The following TUBGCP2 variants were observed in gnomAD, a reference collection of about 807,000 sequenced individuals.
The protein encoded by TUBGCP2 is tubulin gamma complex component 2.
TUBGCP2 carries 55 observed loss-of-function variants against 92.2 expected under a neutral mutation model. That is an observed-to-expected ratio of 0.60 (90% CI 0.48 to 0.75). TUBGCP2 has a LOEUF of 0.75. TUBGCP2 is among the 30% of genes least tolerant of loss of function. The pLI is 0.00. For missense variants in TUBGCP2, 1,093 were observed against 1,188.9 expected (o/e 0.92, Z 1.19); for synonymous variants, 533 against 505.2 (o/e 1.06, Z -0.74).
In TUBGCP2 at chr10:133,283,862, T is replaced by A; in HGVS notation, c.2145+20A>T. The A allele has an allele frequency of 1.2e-6, 2 of 1,612,902 alleles. No homozygotes were observed. The highest frequency in any genetic ancestry group is 2.7e-5 in the African/African-American group (2 of 75,016). On this transcript the variant is annotated intron_variant, in intron 14 of 17. Coordinates refer to ENST00000252936, the MANE Select transcript of TUBGCP2 (RefSeq NM_006659.4). ...GGAAAGTGGCTTTCAAACGTTATTATCTGTGGAGCTAAAACTCACGGATTT... is the reference window on the plus strand; with the variant it reads ...GGAAAGTGGCTTTCAAACGTTATTAACTGTGGAGCTAAAACTCACGGATTT...
At position 133,285,276 on chromosome 10, in the gene TUBGCP2, G is replaced by A. The variant is rs749083702; in HGVS notation, c.1896-63C>T. The A allele has an allele frequency of 5.0e-6, 8 of 1,604,526 alleles. No homozygotes were observed. The highest frequency in any genetic ancestry group is 2.2e-5 in the South Asian group (2 of 90,478). The stretch of plus-strand genomic sequence containing the variant: ...TGACCGGCGGCGTCGTGGACACGGC[G>A]TCTGTACTCCACAGTCCGCACCGTG... On this transcript the variant is annotated intron_variant, in intron 12 of 17. Transcript: ENST00000252936. The surrounding 1 kb of genome is among the most constrained non-coding windows in gnomAD (Gnocchi z 6.8).
rs780075082 is a variant in TUBGCP2, at chr10:133,288,249, G to A, written c.1602C>T (p.Leu534=). ...CCGGCTTCCGGAGCTCCTCCTCCGC[G>A]AGGTCCATGAAGTGCACGAAGAAGT... ...QGDFFVHFMD[L]AEEELRKPVE... is the part of the protein sequence containing the mutation. Residue 534 remains leucine (L), a synonymous_variant, in exon 11 of 18, where the codon CTC becomes CTT. Coordinates refer to ENST00000252936, the MANE Select transcript of TUBGCP2 (RefSeq NM_006659.4). 1.4e-5 allele frequency: 23 copies of A among 1,613,630 alleles called. No homozygotes were observed. Among genetic ancestry groups the A allele is most frequent in the East Asian group, 6.7e-5 (3 of 44,892 alleles).
In TUBGCP2 at chr10:133,297,963, G is replaced by A. The variant is rs763014907; in HGVS notation, c.605C>T (p.Ala202Val). The A allele has an allele frequency of 1.2e-6, 2 of 1,613,438 alleles. No homozygotes were observed. The highest frequency in any genetic ancestry group is 3.3e-5 in the Admixed American group (2 of 59,996). Residue 202 changes from alanine (A) to valine (V), a missense_variant, in exon 5 of 18, where the codon GCT (alanine) becomes GTT (valine). Around this residue, in one of 3 missense-constraint regions of TUBGCP2, gnomAD observed 490 missense variants for 488.5 expected, o/e 1.00. Coordinates refer to ENST00000252936, the MANE Select transcript of TUBGCP2 (RefSeq NM_006659.4). ...LIGAGISTDTALPIGTLPLAS... is the reference protein window; with the variant it reads ...LIGAGISTDTVLPIGTLPLAS... The stretch of plus-strand genomic sequence containing the variant: ...AACGCATCACGTACCTATCGGCAAA[G>A]CGGTGTCTGTGCTGATGCCAGCACC...
intron 13 of TUBGCP2, 75 bp downstream of exon 13, chr10:133,284,999 AGGGCACAAGGG>A: frequency 6.7e-7 from 1 of 1,499,930 alleles, no homozygotes; most frequent in Non-Finnish European, 8.9e-7. Context: ...GTCTACCAGG[AGGGCACAAGGG>A]GGGCGCTGCA....
chr10:133,286,597 G>C (rs899036201), intron 11 of TUBGCP2, among the ~76,000 whole-genome samples: 6 of 151,778 alleles, frequency 4.0e-5, no homozygotes, highest in African/African-American at 1.5e-4. Context: ...CGGAACCGAG[G>C]GCACATCCTC....
intron 1 of TUBGCP2, among the ~76,000 whole-genome samples, chr10:133,307,768 T>G (rs978111384): frequency 1.3e-5 from 2 of 151,966 alleles, no homozygotes; most frequent in African/African-American, 4.8e-5. Flanking sequence ...GAGAAACGTA[T>G]GGTTACATGA....
At position 133,299,917 on chromosome 10, in the gene TUBGCP2, A is replaced by C; in HGVS notation, c.279+68T>G. 4 of 1,583,664 alleles carry C rather than the reference A, an allele frequency of 2.5e-6. No homozygotes were observed. In the South Asian group the frequency reaches 4.5e-5, roughly 18 times the overall value. Reference sequence around the variant, plus strand: ...GACAGGAAGATGGCGTGGAGTGAGCAGGAGACGCGACCCCACTCCCAACAT... The same window carrying C: ...GACAGGAAGATGGCGTGGAGTGAGCCGGAGACGCGACCCCACTCCCAACAT... On this transcript the variant is annotated intron_variant, in intron 3 of 17. Coordinates refer to ENST00000252936, the MANE Select transcript of TUBGCP2 (RefSeq NM_006659.4).
chr10:133,309,005 T>G (rs1229501899), upstream of TUBGCP2: 22 of 1,251,468 alleles, frequency 1.8e-5, no homozygotes, highest in Admixed American at 4.2e-5. Context: ...GCGGAGCCGC[T>G]GCCTGTAGAG....
intron 17 of TUBGCP2, among the ~76,000 whole-genome samples, chr10:133,280,867 G>A (rs74164135): frequency 0.085 from 8,028 of 94,078 alleles, 63 homozygotes; most frequent in African/African-American, 0.13. Context: ...AGGCTGAGCC[G>A]GGGCAGCACT....
intron 2 of TUBGCP2, chr10:133,302,433 G>A: frequency 3.5e-6 from 1 of 284,756 alleles, no homozygotes; most frequent in South Asian, 3.3e-5. Flanking sequence ...CCTGCACCCT[G>A]CACCAGAGGT....
chr10:133,283,692 T>G (rs71503789), intron 14 of TUBGCP2, among the ~76,000 whole-genome samples, 190 bp downstream of exon 14: 274 of 7,382 alleles, frequency 0.037, 27 homozygotes, highest in African/African-American at 0.096. Flanking sequence ...TCTCCCGCAT[T>G]CCCTGCCTCT....
chr10:133,310,415 C>A, upstream of TUBGCP2: 2 of 1,220,238 alleles, frequency 1.6e-6, no homozygotes, highest in South Asian at 1.4e-5. Context: ...TGTTCACCTG[C>A]AGGTACCTGA....
chr10:133,292,726 G>T, intron 7 of TUBGCP2, 38 bp from the exon 8 acceptor site: 1 of 1,587,188 alleles, frequency 6.3e-7, no homozygotes, highest in Non-Finnish European at 8.6e-7. Context: ...TGAGAAGGAA[G>T]CGCACGCCCA....
upstream of TUBGCP2, chr10:133,309,815 G>C (rs1161282687): frequency 6.2e-7 from 1 of 1,613,558 alleles, no homozygotes; most frequent in Non-Finnish European, 8.5e-7. Flanking sequence ...GCTGCTGCCA[G>C]GTGTTCGATG....
In TUBGCP2 at chr10:133,293,641, C is replaced by G. The variant is rs1350887461; in HGVS notation, c.745G>C (p.Asp249His). Residue 249 changes from aspartate to histidine, a missense_variant, in exon 6 of 18, where the codon GAC (aspartate) becomes CAC (histidine). By Grantham distance (81) the Asp-to-His change is moderately conservative. Around this residue, in one of 3 missense-constraint regions of TUBGCP2, gnomAD observed 490 missense variants for 488.5 expected, o/e 1.00. Coordinates refer to ENST00000252936, the MANE Select transcript of TUBGCP2 (RefSeq NM_006659.4). ...AGRQSRTFLVDPNLDLSIREL... is the reference protein window; with the variant it reads ...AGRQSRTFLVHPNLDLSIREL... The stretch of plus-strand genomic sequence containing the variant: ...CTGATGGACAGGTCCAGGTTGGGGT[C>G]CACGAGGAAGGTCCGGCTCTGCCTC... The G allele has an allele frequency of 3.2e-6, 5 of 1,580,776 alleles. No individual in the cohort carries two copies. The highest frequency in any genetic ancestry group is 1.3e-5 in the African/African-American group (1 of 74,492).
chr10:133,279,716 G>T lies in TUBGCP2; in HGVS notation c.*50C>A. The T allele has an allele frequency of 1.3e-6, 2 of 1,506,510 alleles. No individual in the cohort carries two copies. Among genetic ancestry groups the T allele is most frequent in the Non-Finnish European group, 1.8e-6 (2 of 1,127,010 alleles). 93.3% of individuals were successfully genotyped at this position (1,506,510 alleles called of 1,614,324 possible). On this transcript the variant is annotated 3_prime_UTR_variant, in exon 18 of 18. Coordinates refer to ENST00000252936, the MANE Select transcript of TUBGCP2 (RefSeq NM_006659.4). ...CGATTTGAAAATTCTGGACCCATTT[G>T]CACCAGTCCCTGCTGACCCCACACC... is the stretch of plus-strand genomic sequence containing the variant.
rs1351763967 is a variant in TUBGCP2 at position 133,308,811 on chromosome 10, G to A, written c.-40+12C>T. 6 of 724,564 alleles carry A rather than the reference G, an allele frequency of 8.3e-6. No individual in the cohort carries two copies. Among genetic ancestry groups the A allele is most frequent in the Admixed American group, 4.7e-5 (1 of 21,458 alleles). The allele number at this position is 724,564 out of a possible 1,614,324, so 44.9% of individuals were successfully genotyped here. On this transcript the variant is annotated intron_variant, in intron 1 of 17. Transcript: ENST00000252936. Reference sequence around the variant, plus strand: ...CTCATCACGCCCGCGCCCGCGTTCGGCCAGGACTCACCGCAGTCCCGGAGC... The same window carrying A: ...CTCATCACGCCCGCGCCCGCGTTCGACCAGGACTCACCGCAGTCCCGGAGC...
At position 133,289,875 on chromosome 10, in the gene TUBGCP2, G is replaced by A; in HGVS notation, c.1309C>T (p.Gln437Ter). Reference protein sequence around the residue: ...YWDQRYTIVQQQIPSFLQKMA... With the variant: ...YWDQRYTIVQ Reference sequence around the variant, plus strand: ...TTCTGCAGGAAGGACGGGATCTGCTGCTGGACGATGGTGTACCGCTGGTCC... The same window carrying A: ...TTCTGCAGGAAGGACGGGATCTGCTACTGGACGATGGTGTACCGCTGGTCC... The change falls in exon 9 of 18, where the codon CAG becomes TAG. Residue 437 changes from glutamine to a stop codon, truncating the protein, a stop_gained. Coordinates refer to ENST00000252936, the MANE Select transcript of TUBGCP2 (RefSeq NM_006659.4). LOFTEE classifies it high-confidence loss of function. The A allele has an allele frequency of 6.4e-7, 1 of 1,567,644 alleles. No homozygotes were observed.
intron 11 of TUBGCP2, among the ~76,000 whole-genome samples, chr10:133,287,114 G>A (rs1847151615): frequency 1.3e-5 from 2 of 152,312 alleles, no homozygotes; most frequent in South Asian, 2.1e-4. Flanking sequence ...AAAAAGAAGG[G>A]ATATAACTAC....
Sources: gnomAD v4.1 joint callset for allele counts (sites outside exome capture counted in the v4.1 genomes callset) on GRCh38, gnomAD v4.1.1 for gene constraint, gnomAD v4.1.1 regional missense constraint, Gnocchi (gnomAD v3.1) non-coding constraint, MANE v1.5 for transcripts, NCBI Gene and HGNC (gene_info 2026-07-23, HGNC 2026-07-21) for gene names.